CNPY1: variants seen among roughly 807,000 people sequenced by gnomAD.
CNPY1 encodes canopy FGF signaling regulator 1, also known as protein canopy homolog 1.
CNPY1 carries 14 observed loss-of-function variants against 14.4 expected under a neutral mutation model. That is an observed-to-expected ratio of 0.97 (90% confidence interval 0.64 to 1.52). The LOEUF is 1.52. Among genes scored for constraint, CNPY1 ranks in the 40% most tolerant of loss-of-function variants. The pLI is 0.00. For synonymous variants in CNPY1, 43 were observed against 46.5 expected (o/e 0.92, Z 0.31); for missense variants, 129 against 131.5 (o/e 0.98, Z 0.09).
At position 155,502,006 on chromosome 7, in the gene CNPY1, G is replaced by GA. The variant is rs922709035; in HGVS notation, c.*1061_*1062insT. ...AAGAGTTTTGGGTCGGGGGGGTTGG[G>GA]GGGGGGATTTGTAGCATCCTACCCA... On this transcript the variant is annotated 3_prime_UTR_variant, in exon 5 of 5. Coordinates refer to ENST00000636446, the MANE Select transcript of CNPY1 (RefSeq NM_001393663.1). 6.6e-6 allele frequency: 1 copy of GA among 150,770 alleles called. No homozygotes were observed. Among genetic ancestry groups the GA allele is most frequent in the East Asian group, 2.0e-4 (1 of 5,126 alleles). The allele number at this position is 150,770 out of a possible 1,614,324, so 9.3% of individuals were successfully genotyped here.
chr7:155,523,397 A>G (rs1280974310), intron 2 of CNPY1, among the ~76,000 whole-genome samples: 1 of 152,200 alleles, frequency 6.6e-6, no homozygotes, highest in African/African-American at 2.4e-5. Context: ...GCAAAGGTCA[A>G]TGTTAGGGTT....
intron 2 of CNPY1, among the ~76,000 whole-genome samples, chr7:155,521,167 A>C (rs889654803): frequency 6.6e-6 from 1 of 152,212 alleles, no homozygotes; most frequent in African/African-American, 2.4e-5. Flanking sequence ...GTATTCTTCC[A>C]GGCCCAAGAA....
At chr7:155,505,004 T>G (rs1796253722) in intron 4 of CNPY1, among the ~76,000 whole-genome samples, 1 of 152,176 alleles carries the variant, frequency 6.6e-6, no homozygotes. Flanking sequence ...TTTTTATCAT[T>G]GATGTGTTGC....
intron 2 of CNPY1, among the ~76,000 whole-genome samples, chr7:155,523,006 C>T (rs1796752784): frequency 6.6e-6 from 1 of 152,182 alleles, no homozygotes; most frequent in African/African-American, 2.4e-5. Context: ...AAAAACACTG[C>T]AATCCTCTAA....
At chr7:155,503,549 C>T (rs1047505864) in intron 4 of CNPY1, among the ~76,000 whole-genome samples, 3 of 152,028 alleles carry the variant, frequency 2.0e-5, no homozygotes, top group Non-Finnish European at 4.4e-5. Context: ...TCGAAAAAGG[C>T]TATGGATTAC....
At chr7:155,535,187 TTGCC>T in intron 2 of CNPY1, among the ~76,000 whole-genome samples, 1 of 152,332 alleles carries the variant, frequency 6.6e-6, no homozygotes, top group Non-Finnish European at 1.5e-5. Flanking sequence ...GCTCCTGCCT[TTGCC>T]TGGTCAGTAT....
intron 3 of CNPY1, among the ~76,000 whole-genome samples, chr7:155,508,189 A>G (rs1796393857): frequency 6.6e-6 from 1 of 152,250 alleles, no homozygotes; most frequent in Admixed American, 6.5e-5. Flanking sequence ...CATTGACTAA[A>G]GTGAAAAATA....
Position 155,501,942 on chromosome 7 carries a change from C to A in CNPY1, c.*1126G>T, listed in dbSNP as rs774950454. 18 of 119,068 alleles carry A rather than the reference C, an allele frequency of 1.5e-4. No homozygotes were observed. The highest frequency in any genetic ancestry group is 3.8e-4 in the Admixed American group (3 of 7,974). The allele number at this position is 119,068 out of a possible 1,614,324, so 7.4% of individuals were successfully genotyped here. On this transcript the variant is annotated 3_prime_UTR_variant, in exon 5 of 5. Transcript: ENST00000636446. ...AAGAGTCAGGAGAATGATTTAAACACATAATGTGCTTTTTAAGCAACTAAG... is the reference window on the plus strand; with the variant it reads ...AAGAGTCAGGAGAATGATTTAAACAAATAATGTGCTTTTTAAGCAACTAAG...
intron 2 of CNPY1, among the ~76,000 whole-genome samples, chr7:155,537,707 G>C (rs1797039812): frequency 6.6e-6 from 1 of 152,112 alleles, no homozygotes; most frequent in South Asian, 2.1e-4. Context: ...TTACAAGCAT[G>C]AGTCACTGCG....
intron 2 of CNPY1, among the ~76,000 whole-genome samples, chr7:155,537,120 A>G (rs1242982200): frequency 1.3e-5 from 2 of 152,158 alleles, no homozygotes; most frequent in Non-Finnish European, 2.9e-5. Flanking sequence ...GCATGCTAAC[A>G]TCTTCTCATG....
In CNPY1 at chr7:155,522,640, G is replaced by T. The variant is rs116539360; in HGVS notation, c.100-13543C>A. Among the ~76,000 whole-genome samples the T allele has an allele frequency of 1.8e-3, 273 of 152,312 alleles. 3 individuals are homozygous for T. The highest frequency in any genetic ancestry group is 6.2e-3 in the African/African-American group (259 of 41,560). ...CCTTTCTCTGAGTGTCAGGGCCAGA[G>T]GGGGTGAGCACCTCGTCTTCATGGA... On this transcript the variant is annotated intron_variant, in intron 2 of 4. Transcript: ENST00000636446.
intron 4 of CNPY1, chr7:155,506,712 A>G (rs1796324317): frequency 7.2e-6 from 2 of 279,108 alleles, no homozygotes; most frequent in East Asian, 1.1e-4. Flanking sequence ...TTTTAAAAAG[A>G]AAGTGCTTTG....
At position 155,520,952 on chromosome 7, in the gene CNPY1, T is replaced by C. The variant is rs190900889; in HGVS notation, c.100-11855A>G. ...TATGAGCCTGGCCAAGATGGCAAAA[T>C]CCCATCTCCATTAAAAATATAAAAA... On this transcript the variant is annotated intron_variant, in intron 2 of 4. Transcript: ENST00000636446. 2.2e-3 allele frequency among the ~76,000 whole-genome samples: 336 copies of C among 150,832 alleles called. 3 individuals are homozygous for C. Among genetic ancestry groups the C allele is most frequent in the African/African-American group, 7.8e-3 (321 of 41,012 alleles).
intron 2 of CNPY1, among the ~76,000 whole-genome samples, chr7:155,537,958 C>T (rs1195626385): frequency 3.3e-5 from 5 of 152,206 alleles, no homozygotes; most frequent in East Asian, 3.9e-4. Context: ...AGCAGTAATA[C>T]GCAGATACAA....
chr7:155,504,926 A>G (rs191252187), intron 4 of CNPY1, among the ~76,000 whole-genome samples: 5 of 152,326 alleles, frequency 3.3e-5, no homozygotes, highest in Non-Finnish European at 7.3e-5. Flanking sequence ...CTCACCCTTC[A>G]GTTGTCTGAA....
At chr7:155,507,228 G>A in intron 3 of CNPY1, 112 bp from the exon 4 acceptor site, 2 of 700,972 alleles carry the variant, frequency 2.9e-6, no homozygotes, top group Non-Finnish European at 2.5e-6. Flanking sequence ...ATGTAACCAA[G>A]GTGGTCCATT....
At chr7:155,510,781 C>T (rs183305071) in intron 2 of CNPY1, among the ~76,000 whole-genome samples, 1 of 152,244 alleles carries the variant, frequency 6.6e-6, no homozygotes, top group East Asian at 1.9e-4. Flanking sequence ...GTAAAACATG[C>T]AAAGAATACG....
chr7:155,533,781 G>A (rs908271065), intron 2 of CNPY1: 2 of 152,198 alleles, frequency 1.3e-5, no homozygotes, highest in Non-Finnish European at 2.9e-5. Context: ...AGTACAGTCC[G>A]TCCTTCACGC....
chr7:155,519,390 G>A (rs1010408809), intron 2 of CNPY1, among the ~76,000 whole-genome samples: 5 of 152,110 alleles, frequency 3.3e-5, no homozygotes, highest in African/African-American at 7.2e-5. Context: ...GCATGGTGGC[G>A]AGCACCTGTG....
Sources: gnomAD v4.1 joint callset for allele counts (sites outside exome capture counted in the v4.1 genomes callset) on GRCh38, gnomAD v4.1.1 for gene constraint, MANE v1.5 for transcripts, NCBI Gene and HGNC (gene_info 2026-07-23, HGNC 2026-07-21) for gene names.